PCNX2: variants seen among roughly 807,000 people sequenced by gnomAD.
PCNX2 encodes pecanex 2, also known as pecanex-like protein 2.
PCNX2 carries 168 observed loss-of-function variants against 223.8 expected under a neutral mutation model. The ratio of observed to expected loss-of-function variants is 0.75; its 90% CI spans 0.66 to 0.85. The LOEUF (loss-of-function observed/expected upper bound fraction) is 0.85, where lower values mean the gene tolerates loss of function less well. Ranked by LOEUF, PCNX2 falls within the 40% of genes least tolerant of loss-of-function variation. The pLI is 0.00. For missense variants in PCNX2, 2,507 were observed against 2,675.5 expected (o/e 0.94, Z 1.39); for synonymous variants, 1,006 against 1,052.6 (o/e 0.96, Z 0.86).
chr1:232,989,375 A>G (rs973168192), intron 32 of PCNX2, among the ~76,000 whole-genome samples: 1 of 151,766 alleles, frequency 6.6e-6, no homozygotes, highest in Admixed American at 6.6e-5. Flanking sequence ...AATGGCGTGA[A>G]CCCAGGAGGC....
chr1:233,239,773 T>C (rs1009998695), intron 8 of PCNX2, among the ~76,000 whole-genome samples: 2 of 152,232 alleles, frequency 1.3e-5, no homozygotes, highest in African/African-American at 4.8e-5. Flanking sequence ...TGCTTTTTCT[T>C]ATATTAAATA....
chr1:233,278,922 AT>A (rs1661045453), intron 1 of PCNX2, among the ~76,000 whole-genome samples: 1 of 152,194 alleles, frequency 6.6e-6, no homozygotes, highest in African/African-American at 2.4e-5. Flanking sequence ...CAAATTGAAC[AT>A]ACTTGGCCAG....
intron 25 of PCNX2, among the ~76,000 whole-genome samples, chr1:233,044,774 T>C (rs1316417999): frequency 6.6e-6 from 1 of 152,026 alleles, no homozygotes; most frequent in East Asian, 1.9e-4. Flanking sequence ...ATTCAAGTGA[T>C]TCTCCTGCCT....
rs760276396 is a variant in PCNX2 at position 233,177,872 on chromosome 1, G to C, written c.3203C>G (p.Pro1068Arg). The change falls in exon 17 of 34, where the codon CCT becomes CGT. Residue 1068 changes from proline to arginine, a missense_variant. Physicochemically the swap from Pro to Arg is moderately radical, Grantham distance 103. Transcript: ENST00000258229. ...TGCCAGATTTTGATGTAAAAATTTA[G>C]GAAACAGCCTGCATTGGATGAAGGA... is the stretch of plus-strand genomic sequence containing the variant. ...LMSFIQCRLF[P>R]KFLHQNLAES... is the part of the protein sequence containing the mutation. 6.2e-7 allele frequency: 1 copy of C among 1,613,846 alleles called. No individual in the cohort carries two copies. The highest frequency in any genetic ancestry group is 8.5e-7 in the Non-Finnish European group (1 of 1,179,808).
chr1:233,012,574 G>A (rs902287826), intron 28 of PCNX2, among the ~76,000 whole-genome samples: 25 of 152,072 alleles, frequency 1.6e-4, no homozygotes, highest in African/African-American at 5.6e-4. Flanking sequence ...TCATCACCAT[G>A]TCTGCAGCAA....
intron 9 of PCNX2, among the ~76,000 whole-genome samples, chr1:233,231,114 C>G (rs1658033932): frequency 6.6e-6 from 1 of 151,954 alleles, no homozygotes; most frequent in African/African-American, 2.4e-5. Flanking sequence ...GGCCACTGGC[C>G]CAAGGTCCTA....
In PCNX2 at chr1:233,174,568, G is replaced by C. The variant is rs529030388; in HGVS notation, c.3273+3234C>G. ...CCAACATTCCACATCTAGCAGCATG[G>C]GACCAGAAAAATCTAGATATTATAA... On this transcript the variant is annotated intron_variant, in intron 17 of 33. Coordinates refer to ENST00000258229, the MANE Select transcript of PCNX2 (RefSeq NM_014801.4). Among the ~76,000 whole-genome samples the C allele has an allele frequency of 7.3e-5, 11 of 151,698 alleles. No individual in the cohort carries two copies. In the East Asian group the frequency reaches 2.1e-3, roughly 29 times the overall value.
Position 233,000,577 on chromosome 1 carries a change from A to G in PCNX2, c.5098-42T>C. ...TGGGTGTGGGCTGGGCAAGGACCAG[A>G]GGAACTCACCCCCAGGAAGCATGCA... On this transcript the variant is annotated intron_variant, in intron 29 of 33. Transcript: ENST00000258229. The surrounding 1 kb of genome is among the most constrained non-coding windows in gnomAD (Gnocchi z 4.6). 3 of 1,514,342 alleles carry G rather than the reference A, an allele frequency of 2.0e-6. No homozygotes were observed. Among genetic ancestry groups the G allele is most frequent in the Non-Finnish European group, 2.7e-6 (3 of 1,124,966 alleles). The allele number at this position is 1,514,342 out of a possible 1,614,324, so 93.8% of individuals were successfully genotyped here.
intron 10 of PCNX2, among the ~76,000 whole-genome samples, chr1:233,224,528 C>G (rs1657580215): frequency 6.6e-6 from 1 of 152,162 alleles, no homozygotes; most frequent in Admixed American, 6.5e-5. Context: ...CGCTTCCTGC[C>G]TAGCTCTTAC....
chr1:233,175,917 T>C (rs1304070868), intron 17 of PCNX2, among the ~76,000 whole-genome samples: 1 of 152,216 alleles, frequency 6.6e-6, no homozygotes, highest in Non-Finnish European at 1.5e-5. Flanking sequence ...TTTTTAAGGC[T>C]ATCATGTTGG....
chr1:233,305,409 A>G, the PCNX2 span, among the ~76,000 whole-genome samples: 2 of 152,166 alleles, frequency 1.3e-5, no homozygotes, highest in Admixed American at 1.3e-4. Context: ...TGTAATCTCT[A>G]GGGCAATCAC....
At chr1:233,048,474 A>G (rs1671893898) in intron 25 of PCNX2, among the ~76,000 whole-genome samples, 1 of 152,218 alleles carries the variant, frequency 6.6e-6, no homozygotes, top group Non-Finnish European at 1.5e-5. Flanking sequence ...ATAAAAACAG[A>G]GACACAACAT....
At chr1:233,121,067 T>A (rs1675757355) in intron 21 of PCNX2, among the ~76,000 whole-genome samples, 1 of 150,150 alleles carries the variant, frequency 6.7e-6, no homozygotes, top group African/African-American at 2.4e-5. Flanking sequence ...AAAAAAAAAA[T>A]ACACCCTCCA....
chr1:233,078,196 A>G (rs1673185551), intron 23 of PCNX2, among the ~76,000 whole-genome samples: 1 of 152,216 alleles, frequency 6.6e-6, no homozygotes, highest in African/African-American at 2.4e-5. Flanking sequence ...CAGTACCTAC[A>G]GTGGTCTGCT....
rs370682610 is a variant in PCNX2 at position 233,183,318 on chromosome 1, A to G, written c.3067-4143T>C. On this transcript the variant is annotated intron_variant, in intron 15 of 33. Transcript: ENST00000258229. ...TTCACATTAGACACCGGACTCCCCA[A>G]CAAGGGGCAACCTTACATGTTTCTT... Among the ~76,000 whole-genome samples, 150 of 152,234 alleles carry G rather than the reference A, an allele frequency of 9.9e-4. 3 individuals carry two copies. In the South Asian group the frequency reaches 0.03, roughly 31 times the overall value.
chr1:233,166,982 T>A (rs754255487), intron 17 of PCNX2, among the ~76,000 whole-genome samples: 12 of 150,598 alleles, frequency 8.0e-5, no homozygotes, highest in East Asian at 5.8e-4. Context: ...TCTCTATATT[T>A]AAAAAAAAAG....
intron 7 of PCNX2, 161 bp from the exon 8 acceptor site, chr1:233,250,993 A>G: frequency 2.5e-6 from 1 of 395,860 alleles, no homozygotes; most frequent in Non-Finnish European, 3.4e-6. Context: ...CAGAACATAT[A>G]TCATGAGAAG....
chr1:233,202,290 G>A (rs764669692), intron 13 of PCNX2: 1 of 413,044 alleles, frequency 2.4e-6, no homozygotes, highest in East Asian at 8.0e-5. Flanking sequence ...CACTGAGTGG[G>A]CCTATAATTT....
upstream of PCNX2, among the ~76,000 whole-genome samples, chr1:233,299,379 G>C (rs754927526): frequency 2.0e-5 from 3 of 152,058 alleles, no homozygotes; most frequent in Admixed American, 6.6e-5. Context: ...ACTAATTTTT[G>C]TATCTCCAAC....
Sources: gnomAD v4.1 joint callset for allele counts (sites outside exome capture counted in the v4.1 genomes callset) on GRCh38, gnomAD v4.1.1 for gene constraint, Gnocchi (gnomAD v3.1) non-coding constraint, MANE v1.5 for transcripts, NCBI Gene and HGNC (gene_info 2026-07-23, HGNC 2026-07-21) for gene names.